Variants in ERBB4 observed in about 807,000 individuals in gnomAD.
ERBB4 encodes erb-b2 receptor tyrosine kinase 4, also known as receptor tyrosine-protein kinase erbB-4.
In ERBB4, 42 loss-of-function variants were observed where a neutral mutation model predicts 158.0. The observed-to-expected ratio is 0.27, with a 90% CI of 0.21 to 0.34. ERBB4 has a LOEUF of 0.34. Ranked by LOEUF, ERBB4 falls within the 10% of genes least tolerant of loss-of-function variation. The probability of loss-of-function intolerance (pLI) is 1.00; values close to 1 mark genes in which losing one functional copy is unlikely to be tolerated. For missense variants in ERBB4, 1,333 were observed against 1,624.1 expected, an observed-to-expected ratio of 0.82 and a Z score of 3.08; for synonymous variants, 583 against 558.7, an observed-to-expected ratio of 1.04 and a Z score of -0.61.
At chr2:211,709,986 C>G (rs571243833) in intron 9 of ERBB4, among the ~76,000 whole-genome samples, 1 of 152,024 alleles carries the variant, frequency 6.6e-6, no homozygotes, top group African/African-American at 2.4e-5. Flanking sequence ...TCCAAACTTT[C>G]GTATAATTGG....
At chr2:212,129,159 A>C (rs2080031880) in intron 1 of ERBB4, among the ~76,000 whole-genome samples, 1 of 151,856 alleles carries the variant, frequency 6.6e-6, no homozygotes, top group African/African-American at 2.4e-5. Context: ...AAGTATATCC[A>C]ATAACACATT....
chr2:212,290,464 G>A (rs1574611437), intron 1 of ERBB4, among the ~76,000 whole-genome samples: 1 of 152,236 alleles, frequency 6.6e-6, no homozygotes, highest in Non-Finnish European at 1.5e-5. Flanking sequence ...AGACTTCAGT[G>A]GAAGGAAGAA....
At chr2:212,283,163 G>T (rs748218369) in intron 1 of ERBB4, among the ~76,000 whole-genome samples, 21 of 151,948 alleles carry the variant, frequency 1.4e-4, no homozygotes, top group Non-Finnish European at 2.8e-4. Flanking sequence ...AAACAATCTA[G>T]AACATGCCCA....
At chr2:212,474,727 G>T (rs2106132614) in intron 1 of ERBB4, among the ~76,000 whole-genome samples, 1 of 150,920 alleles carries the variant, frequency 6.6e-6, no homozygotes, top group East Asian at 1.9e-4. Context: ...AAGTTCTTAT[G>T]TTGGGTAGGC....
intron 1 of ERBB4, among the ~76,000 whole-genome samples, chr2:212,188,982 G>A (rs2082110651): frequency 6.7e-6 from 1 of 150,144 alleles, no homozygotes; most frequent in South Asian, 2.1e-4. Context: ...AGTCAAATTA[G>A]TGCTCAGTGG....
intron 19 of ERBB4, among the ~76,000 whole-genome samples, chr2:211,573,810 A>G (rs1400122518): frequency 2.0e-5 from 3 of 152,236 alleles, no homozygotes. Context: ...AGAGACACTC[A>G]GTGCTTTAAG....
At chr2:212,507,214 A>AAG (rs1323630251) in intron 1 of ERBB4, among the ~76,000 whole-genome samples, 1 of 152,120 alleles carries the variant, frequency 6.6e-6, no homozygotes, top group East Asian at 1.9e-4. Flanking sequence ...TGCTCAGAAA[A>AAG]AAAAAAAAAG....
intron 1 of ERBB4, among the ~76,000 whole-genome samples, chr2:212,350,884 G>A (rs548399040): frequency 5.9e-5 from 9 of 152,240 alleles, no homozygotes; most frequent in Non-Finnish European, 8.8e-5. Context: ...GTGTTCTAAT[G>A]AGTAAAAATA....
intron 1 of ERBB4, among the ~76,000 whole-genome samples, chr2:212,401,785 G>A (rs894012569): frequency 5.9e-5 from 9 of 152,032 alleles, no homozygotes; most frequent in African/African-American, 1.9e-4. Context: ...AAGGCTCTCA[G>A]TAAAACTAAA....
intron 16 of ERBB4, among the ~76,000 whole-genome samples, chr2:211,632,623 C>G (rs548656218): frequency 9.3e-5 from 14 of 151,154 alleles, no homozygotes; most frequent in Admixed American, 4.6e-4. Context: ...TTGTTTGTTT[C>G]TTTGTTTGTT....
chr2:211,701,907 AAAG>A, intron 12 of ERBB4, 57 bp downstream of exon 12: 1 of 1,298,498 alleles, frequency 7.7e-7, no homozygotes. Flanking sequence ...TGTTTGGTCC[AAAG>A]AAGAATGGGA....
At chr2:212,382,496 A>G (rs2106414798) in intron 1 of ERBB4, among the ~76,000 whole-genome samples, 1 of 150,910 alleles carries the variant, frequency 6.6e-6, no homozygotes, top group East Asian at 1.9e-4. Flanking sequence ...TCCTACTATA[A>G]GTTCAGGTTG....
At chr2:211,634,536 A>C (rs977862139) in intron 16 of ERBB4, among the ~76,000 whole-genome samples, 3 of 152,140 alleles carry the variant, frequency 2.0e-5, no homozygotes, top group African/African-American at 7.2e-5. Context: ...ATTTATGCTT[A>C]GCTCCTTTTA....
At chr2:211,805,678 A>C (rs1279518522) in intron 3 of ERBB4, among the ~76,000 whole-genome samples, 1 of 152,212 alleles carries the variant, frequency 6.6e-6, no homozygotes, top group Non-Finnish European at 1.5e-5. Flanking sequence ...CAAAACCAAA[A>C]TTAAATTGTT....
intron 1 of ERBB4, among the ~76,000 whole-genome samples, chr2:212,361,724 C>G (rs1009075906): frequency 6.6e-6 from 1 of 151,558 alleles, no homozygotes; most frequent in Non-Finnish European, 1.5e-5. Context: ...ATCTATACGG[C>G]CTTAGGCAAA....
chr2:211,749,487 G>T (rs895601024), intron 5 of ERBB4, among the ~76,000 whole-genome samples: 1 of 150,884 alleles, frequency 6.6e-6, no homozygotes, highest in Non-Finnish European at 1.5e-5. Flanking sequence ...TGCCTATGGA[G>T]AGCTGAGGGA....
intron 1 of ERBB4, among the ~76,000 whole-genome samples, chr2:212,331,276 A>G (rs1238807897): frequency 6.6e-6 from 1 of 151,138 alleles, no homozygotes; most frequent in Admixed American, 6.6e-5. Context: ...TTATAATATA[A>G]CTAGTATGAA....
rs535781261 is a variant in ERBB4, at chr2:212,209,627, T to C, written c.83-84724A>G. 2.6e-5 allele frequency among the ~76,000 whole-genome samples: 4 copies of C among 152,212 alleles called. No homozygotes were observed. In the South Asian group the frequency reaches 8.3e-4, roughly 32 times the overall value. On this transcript the variant is annotated intron_variant, in intron 1 of 27. Transcript: ENST00000342788. Reference sequence around the variant, plus strand: ...GAATAGTGTTCCCCCAAAATTCATATGCTGAAGCCCAAACCCTTAGAGTGA... The same window carrying C: ...GAATAGTGTTCCCCCAAAATTCATACGCTGAAGCCCAAACCCTTAGAGTGA...
At chr2:211,647,227 T>G (rs1330708746) in intron 16 of ERBB4, among the ~76,000 whole-genome samples, 2 of 151,494 alleles carry the variant, frequency 1.3e-5, no homozygotes, top group Non-Finnish European at 3.0e-5. Context: ...TAATAATCTC[T>G]TCTCTCTCCT....
Sources: allele counts gnomAD v4.1 joint callset (sites outside exome capture counted in the v4.1 genomes callset), GRCh38; gene constraint gnomAD v4.1.1; transcripts MANE v1.5; gene names NCBI Gene and HGNC (gene_info 2026-07-23, HGNC 2026-07-21).